The following GALNT16 variants were observed in gnomAD, a reference collection of about 807,000 sequenced individuals.
GALNT16 encodes polypeptide N-acetylgalactosaminyltransferase 16, also known as UDP-GalNAc:polypeptide N-acetylgalactosaminyltransferase-like protein 1.
In GALNT16, 40 loss-of-function variants were observed where a neutral mutation model predicts 76.1. The observed-to-expected ratio is 0.53, with a 90% CI of 0.41 to 0.68. GALNT16 has a LOEUF of 0.68. GALNT16 is among the 30% of genes least tolerant of loss of function. The pLI, the probability that GALNT16 is intolerant of heterozygous loss-of-function variation, is 0.00. For synonymous variants in GALNT16, 276 were observed against 285.2 expected (o/e 0.97, Z 0.32); for missense variants, 621 against 731.9 (o/e 0.85, Z 1.75).
chr14:69,262,580 G>A (rs975483600), intron 1 of GALNT16, among the ~76,000 whole-genome samples: 1 of 152,184 alleles, frequency 6.6e-6, no homozygotes. Context: ...TGGGAGCTGG[G>A]AAGTGAAGGT....
intron 4 of GALNT16, 120 bp from the exon 5 acceptor site, chr14:69,325,842 C>G (rs35024400): frequency 0.11 from 81,372 of 766,552 alleles, 5,459 homozygotes; most frequent in Non-Finnish European, 0.14. Flanking sequence ...CATACCTCTT[C>G]CCAATCCCCA....
chr14:69,328,415 G>T, intron 5 of GALNT16, 35 bp from the exon 6 acceptor site: 1 of 1,605,030 alleles, frequency 6.2e-7, no homozygotes, highest in Non-Finnish European at 8.5e-7. Context: ...AGTTGGCCCA[G>T]TCCCAGCGCC....
the GALNT16 span, among the ~76,000 whole-genome samples, chr14:69,372,443 T>C: frequency 0.12 from 18,277 of 151,094 alleles, 1,344 homozygotes; most frequent in Middle Eastern, 0.24. Context: ...CATTCACACA[T>C]AGGTCACAAG....
At chr14:69,331,614 C>A in intron 7 of GALNT16, 63 bp downstream of exon 7, 2 of 915,770 alleles carry the variant, frequency 2.2e-6, no homozygotes, top group Non-Finnish European at 3.7e-6. Flanking sequence ...GCTAGGCAGG[C>A]AAAAACCCTT....
chr14:69,365,836 TATC>T, the GALNT16 span, among the ~76,000 whole-genome samples: 1,040 of 152,146 alleles, frequency 6.8e-3, 7 homozygotes, highest in African/African-American at 0.023. Context: ...AATAAATACT[TATC>T]ATTACTACAT....
chr14:69,321,113 C>T (rs1262221596), intron 2 of GALNT16, among the ~76,000 whole-genome samples: 1 of 152,192 alleles, frequency 6.6e-6, no homozygotes. Context: ...GTCTGGCGCC[C>T]CAGCAAAAGT....
chr14:69,301,900 G>C lies in GALNT16; in HGVS notation c.178-18811G>C, dbSNP rs138226944. 6.9e-3 allele frequency among the ~76,000 whole-genome samples: 1,052 copies of C among 152,304 alleles called. 10 individuals carry two copies. Among genetic ancestry groups the C allele is most frequent in the African/African-American group, 0.023 (939 of 41,556 alleles). On this transcript the variant is annotated intron_variant, in intron 1 of 14. Coordinates refer to ENST00000448469, the MANE Select transcript of GALNT16 (RefSeq NM_001168368.2). ...AGCTACTCGGGAGGCTGAGGCAGGA[G>C]AATCGCTTGAACCCAGGAGGCGGGG...
intron 1 of GALNT16, among the ~76,000 whole-genome samples, chr14:69,312,548 G>A (rs534998828): frequency 7.9e-5 from 12 of 152,320 alleles, no homozygotes; most frequent in Admixed American, 3.9e-4. Flanking sequence ...TTTGTCTCCC[G>A]TTAGGTGTGA....
Position 69,333,039 on chromosome 14 carries a change from C to G in GALNT16, c.779-46C>G, listed in dbSNP as rs141209603. On this transcript the variant is annotated intron_variant, in intron 7 of 14. Transcript: ENST00000448469. This position sits in a 1 kb window ranked among gnomAD's most constrained non-coding sequence, Gnocchi z 4.2. ...GGTGGAGTGAAGGGTCTCAGCAGCC[C>G]GCAGCTCTGCCCTGAGCTCTGTCCT... 9.7e-3 allele frequency: 13,507 copies of G among 1,390,292 alleles called. 148 individuals carry two copies. The highest frequency in any genetic ancestry group is 8.7e-3 in the Non-Finnish European group (8,473 of 975,868). 86.1% of individuals were successfully genotyped at this position (1,390,292 alleles called of 1,614,324 possible). A position where few individuals can be genotyped will look rare whatever the true frequency, so the allele number is the denominator to read the frequency against.
intron 7 of GALNT16, chr14:69,332,391 T>G (rs2045362111): frequency 6.6e-6 from 1 of 152,528 alleles, no homozygotes; most frequent in Non-Finnish European, 1.5e-5. Context: ...AGGCAGTTCC[T>G]TAACTGTACT....
chr14:69,292,326 C>T (rs1358994652), intron 1 of GALNT16, among the ~76,000 whole-genome samples: 2 of 152,234 alleles, frequency 1.3e-5, no homozygotes, highest in Non-Finnish European at 2.9e-5. Context: ...ATCTTTGTTT[C>T]CCATTATGAA....
intron 1 of GALNT16, among the ~76,000 whole-genome samples, chr14:69,288,664 T>G (rs1210836328): frequency 6.6e-6 from 1 of 152,210 alleles, no homozygotes; most frequent in East Asian, 1.9e-4. Context: ...GGGCCCTTCC[T>G]AGGCTATCTC....
At chr14:69,347,007 A>G (rs773426561) in intron 12 of GALNT16, 33 bp from the exon 13 acceptor site, 1 of 1,613,648 alleles carries the variant, frequency 6.2e-7, no homozygotes, top group East Asian at 2.2e-5. Context: ...TTGGGGGGGA[A>G]AGCACAAGCC....
chr14:69,321,015 T>G, intron 2 of GALNT16, 147 bp downstream of exon 2: 1 of 876,334 alleles, frequency 1.1e-6, no homozygotes, highest in Non-Finnish European at 1.7e-6. Flanking sequence ...ACCCTCACCC[T>G]CTGTTGCTGG....
chr14:69,271,126 AAAC>A (rs1195397213), intron 1 of GALNT16, among the ~76,000 whole-genome samples: 1 of 152,190 alleles, frequency 6.6e-6, no homozygotes, highest in Admixed American at 6.5e-5. Context: ...CCTTCTCCCA[AAAC>A]AACAACGGGA....
chr14:69,341,331 A>T (rs1160857469), intron 11 of GALNT16, among the ~76,000 whole-genome samples: 2 of 152,212 alleles, frequency 1.3e-5, no homozygotes, highest in East Asian at 3.8e-4. Context: ...TTCCTCCTGT[A>T]CTTCTCATTA....
At position 69,260,461 on chromosome 14, in the gene GALNT16, G is replaced by T. The variant is rs978877370; in HGVS notation, c.171G>T (p.Pro57=). 1 of 1,491,072 alleles carries T rather than the reference G, an allele frequency of 6.7e-7. No individual in the cohort carries two copies. Among genetic ancestry groups the T allele is most frequent in the Non-Finnish European group, 8.9e-7 (1 of 1,121,500 alleles). The allele number at this position is 1,491,072 out of a possible 1,614,324, so 92.4% of individuals were successfully genotyped here. The change falls in exon 1 of 15, where the codon CCG becomes CCT. Residue 57 remains proline (P), a synonymous_variant. Coordinates refer to ENST00000448469, the MANE Select transcript of GALNT16 (RefSeq NM_001168368.2). ...SEQLREDRTI[P]LIVTGTPSKG... ...AGCTCCGCGAGGACCGCACCATCCCGCTCATTGTGAGTACGCCCCGAGCGT... is the reference window on the plus strand; with the variant it reads ...AGCTCCGCGAGGACCGCACCATCCCTCTCATTGTGAGTACGCCCCGAGCGT...
intron 1 of GALNT16, among the ~76,000 whole-genome samples, chr14:69,315,820 ATATG>A (rs1308679840): frequency 6.6e-6 from 1 of 152,130 alleles, no homozygotes; most frequent in Non-Finnish European, 1.5e-5. Context: ...AAAAAAAAAA[ATATG>A]TAGGTAGGTA....
At chr14:69,385,269 G>T in the GALNT16 span, among the ~76,000 whole-genome samples, 1 of 152,154 alleles carries the variant, frequency 6.6e-6, no homozygotes, top group Admixed American at 6.5e-5. Flanking sequence ...ATCACTATCA[G>T]ATAGGTACTT....
Sources: allele counts gnomAD v4.1 joint callset (sites outside exome capture counted in the v4.1 genomes callset), GRCh38; gene constraint gnomAD v4.1.1; non-coding constraint Gnocchi (gnomAD v3.1); transcripts MANE v1.5; gene names NCBI Gene and HGNC (gene_info 2026-07-23, HGNC 2026-07-21).